PLD5: variants seen among roughly 807,000 people sequenced by gnomAD.
The protein encoded by PLD5 is inactive phospholipase D5.
A neutral mutation model predicts 61.1 loss-of-function variants in PLD5; 36 were observed. The observed-to-expected ratio is 0.59, with a 90% confidence interval of 0.45 to 0.78. The LOEUF (loss-of-function observed/expected upper bound fraction) is 0.78, where lower values mean the gene tolerates loss of function less well. Among genes scored for constraint, PLD5 ranks in the 30% least tolerant of loss-of-function variants. The pLI, the probability that PLD5 is intolerant of heterozygous loss-of-function variation, is 0.00. For missense variants in PLD5, 515 were observed against 644.4 expected (o/e 0.80, Z 2.17); for synonymous variants, 243 against 242.8 (o/e 1.00, Z -0.01).
intron 5 of PLD5, among the ~76,000 whole-genome samples, chr1:242,167,721 A>G (rs1308836686): frequency 6.6e-6 from 1 of 152,250 alleles, no homozygotes; most frequent in Non-Finnish European, 1.5e-5. Flanking sequence ...ACAGAGAGGT[A>G]CAGAAACTTA....
chr1:242,163,333 C>T (rs1376695464), intron 5 of PLD5, among the ~76,000 whole-genome samples: 1 of 151,728 alleles, frequency 6.6e-6, no homozygotes, highest in Non-Finnish European at 1.5e-5. Flanking sequence ...TTAGCACAGA[C>T]GGGGTTTCAC....
chr1:242,244,640 T>C (rs976436400), intron 4 of PLD5, among the ~76,000 whole-genome samples: 2 of 152,226 alleles, frequency 1.3e-5, no homozygotes, highest in African/African-American at 2.4e-5. Context: ...AGTAAGGTGT[T>C]GGAAGAGAGT....
At chr1:242,153,746 G>C (rs989678433) in intron 5 of PLD5, among the ~76,000 whole-genome samples, 4 of 152,034 alleles carry the variant, frequency 2.6e-5, no homozygotes, top group African/African-American at 4.8e-5. Context: ...TGCTGTTTTG[G>C]TTACTGTAGC....
intron 1 of PLD5, among the ~76,000 whole-genome samples, chr1:242,452,101 G>A (rs1042266673): frequency 2.6e-5 from 4 of 152,120 alleles, no homozygotes; most frequent in African/African-American, 9.7e-5. Flanking sequence ...ATTAATCACG[G>A]GGGCGCACCA....
intron 4 of PLD5, among the ~76,000 whole-genome samples, chr1:242,221,719 G>C (rs1670599949): frequency 6.6e-6 from 1 of 152,160 alleles, no homozygotes; most frequent in Admixed American, 6.5e-5. Flanking sequence ...GCAGATCCCA[G>C]AGGAGGAACT....
At chr1:242,459,530 A>G (rs1050780268) in intron 1 of PLD5, among the ~76,000 whole-genome samples, 1 of 152,214 alleles carries the variant, frequency 6.6e-6, no homozygotes, top group African/African-American at 2.4e-5. Context: ...GCGCCAAGCT[A>G]TGATTGCTAT....
chr1:242,244,271 C>T (rs1672231796), intron 4 of PLD5, among the ~76,000 whole-genome samples: 2 of 152,204 alleles, frequency 1.3e-5, no homozygotes, highest in African/African-American at 4.8e-5. Flanking sequence ...AGAGGAGCCT[C>T]ACCGGCAGGC....
intron 1 of PLD5, chr1:242,365,696 C>A: frequency 4.9e-6 from 1 of 202,698 alleles, no homozygotes. Flanking sequence ...GTAAATGTTA[C>A]AGACAATAAA....
chr1:242,254,252 C>T (rs2653185), intron 4 of PLD5, among the ~76,000 whole-genome samples: 9 of 149,230 alleles, frequency 6.0e-5, no homozygotes, highest in Admixed American at 1.4e-4. Context: ...ACTAACAGTT[C>T]GTTATGAGGT....
chr1:242,207,509 G>A, intron 5 of PLD5, among the ~76,000 whole-genome samples: 1 of 151,930 alleles, frequency 6.6e-6, no homozygotes, highest in Non-Finnish European at 1.5e-5. Context: ...CTTTGCTCCT[G>A]CAAGAAGCTG....
intron 5 of PLD5, among the ~76,000 whole-genome samples, chr1:242,177,060 C>T (rs1667198192): frequency 6.6e-6 from 1 of 152,174 alleles, no homozygotes; most frequent in African/African-American, 2.4e-5. Context: ...TTTAACCCAA[C>T]AATCCCATTA....
intron 4 of PLD5, among the ~76,000 whole-genome samples, chr1:242,220,639 T>C (rs1181878029): frequency 6.6e-6 from 1 of 152,018 alleles, no homozygotes; most frequent in African/African-American, 2.4e-5. Context: ...TCTTCATTCC[T>C]TCCCTTTATT....
intron 1 of PLD5, among the ~76,000 whole-genome samples, chr1:242,366,530 T>C (rs552483383): frequency 4.1e-4 from 62 of 152,166 alleles, no homozygotes; most frequent in Non-Finnish European, 6.6e-4. Flanking sequence ...GGAGTTGTAT[T>C]TAGATTGGTG....
At chr1:242,177,089 G>A (rs1477554941) in intron 5 of PLD5, among the ~76,000 whole-genome samples, 1 of 152,106 alleles carries the variant, frequency 6.6e-6, no homozygotes, top group African/African-American at 2.4e-5. Flanking sequence ...ATACCCAAAG[G>A]ATTATAAATC....
intron 5 of PLD5, among the ~76,000 whole-genome samples, chr1:242,163,619 A>G (rs1666064269): frequency 6.6e-6 from 1 of 152,310 alleles, no homozygotes; most frequent in African/African-American, 2.4e-5. Flanking sequence ...AAATAGGACA[A>G]TGATGTCACT....
intron 3 of PLD5, among the ~76,000 whole-genome samples, chr1:242,285,427 A>C (rs1227762218): frequency 1.3e-5 from 2 of 152,104 alleles, no homozygotes; most frequent in Non-Finnish European, 2.9e-5. Flanking sequence ...GAACCCGGGA[A>C]GTAGAGGTTG....
intron 5 of PLD5, among the ~76,000 whole-genome samples, chr1:242,170,390 A>G (rs1666660769): frequency 6.6e-6 from 1 of 152,118 alleles, no homozygotes; most frequent in South Asian, 2.1e-4. Context: ...TCCACTCAAA[A>G]CCCCATCAGA....
chr1:242,230,811 C>A (rs758790815), intron 4 of PLD5, among the ~76,000 whole-genome samples: 83 of 152,180 alleles, frequency 5.5e-4, no homozygotes, highest in Non-Finnish European at 9.4e-4. Context: ...TCACAGGTTG[C>A]TTTGATGCTT....
chr1:242,219,612 T>C (rs376060508), intron 5 of PLD5, among the ~76,000 whole-genome samples: 2 of 152,238 alleles, frequency 1.3e-5, no homozygotes, highest in African/African-American at 4.8e-5. Context: ...ATAACCCAAA[T>C]GATTACTATC....
Sources: gnomAD v4.1 joint callset for allele counts (sites outside exome capture counted in the v4.1 genomes callset) on GRCh38, gnomAD v4.1.1 for gene constraint, MANE v1.5 for transcripts, NCBI Gene and HGNC (gene_info 2026-07-23, HGNC 2026-07-21) for gene names.